KYNU: variants seen among roughly 807,000 people sequenced by gnomAD.
The protein encoded by KYNU is kynureninase.
In KYNU, 54 loss-of-function variants were observed where a neutral mutation model predicts 59.2. The observed-to-expected ratio is 0.91, with a 90% CI of 0.73 to 1.14. The LOEUF (loss-of-function observed/expected upper bound fraction) is 1.14, where lower values mean the gene tolerates loss of function less well. Ranked by LOEUF, KYNU falls within the 50% of genes most tolerant of loss-of-function variation. The probability of loss-of-function intolerance (pLI) is 0.00; values close to 1 mark genes in which losing one functional copy is unlikely to be tolerated. For missense variants in KYNU, 567 were observed against 554.4 expected, an observed-to-expected ratio of 1.02 and a Z score of -0.23; for synonymous variants, 177 against 192.0, an observed-to-expected ratio of 0.92 and a Z score of 0.65.
chr2:142,974,909 A>G (rs1684841147), intron 8 of KYNU, among the ~76,000 whole-genome samples: 1 of 151,848 alleles, frequency 6.6e-6, no homozygotes, highest in Admixed American at 6.6e-5. Flanking sequence ...TTCCCTTCAT[A>G]TTTTCCTTTA....
intron 2 of KYNU, among the ~76,000 whole-genome samples, chr2:142,913,661 A>C (rs1682579098): frequency 6.6e-6 from 1 of 152,224 alleles, no homozygotes. Flanking sequence ...AGAAGAATGT[A>C]TAATCTGTGG....
intron 4 of KYNU, chr2:142,947,742 C>T (rs1683842460): frequency 6.5e-6 from 1 of 153,868 alleles, no homozygotes; most frequent in African/African-American, 2.4e-5. Context: ...GCTGATAATG[C>T]TGTGTGCTAT....
chr2:142,891,445 A>G (rs917053818), intron 2 of KYNU, among the ~76,000 whole-genome samples: 10 of 152,192 alleles, frequency 6.6e-5, no homozygotes, highest in African/African-American at 9.6e-5. Flanking sequence ...CTCTCCTTCA[A>G]TCTTACCACA....
At chr2:143,012,487 A>AAGC (rs1269795594) in intron 10 of KYNU, among the ~76,000 whole-genome samples, 5 of 146,784 alleles carry the variant, frequency 3.4e-5, no homozygotes, top group African/African-American at 1.4e-4. Flanking sequence ...CATCTCCAAA[A>AAGC]AACAAAAAAA....
At position 142,947,332 on chromosome 2, in the gene KYNU, A is replaced by G. The variant is rs529098922; in HGVS notation, c.374-7478A>G. 8.7e-5 allele frequency: 95 copies of G among 1,087,966 alleles called. 1 individual carries two copies. The South Asian group carries it at 9.3e-4, about 11-fold the overall frequency. 67.4% of individuals were successfully genotyped at this position (1,087,966 alleles called of 1,614,324 possible). A position where few individuals can be genotyped will look rare whatever the true frequency, so the allele number is the denominator to read the frequency against. The stretch of plus-strand genomic sequence containing the variant: ...GTCATAGAAGCATTCCATTTTTTCT[A>G]TTGCAGATGGGATTTCCTCTTCAAG... On this transcript the variant is annotated intron_variant, in intron 4 of 13. Coordinates refer to ENST00000264170, the MANE Select transcript of KYNU (RefSeq NM_003937.3).
chr2:142,890,771 C>T (rs937417414), intron 2 of KYNU, among the ~76,000 whole-genome samples: 1 of 152,114 alleles, frequency 6.6e-6, no homozygotes, highest in African/African-American at 2.4e-5. Context: ...AGCCACCATG[C>T]CAGGCAGGAT....
chr2:143,024,118 G>T (rs1686486003), intron 10 of KYNU, among the ~76,000 whole-genome samples: 1 of 151,712 alleles, frequency 6.6e-6, no homozygotes, highest in Non-Finnish European at 1.5e-5. Flanking sequence ...AAAAAAAAAT[G>T]ATGAGGGATA....
intron 2 of KYNU, among the ~76,000 whole-genome samples, chr2:142,887,059 G>C (rs1050091091): frequency 2.0e-5 from 3 of 151,810 alleles, no homozygotes; most frequent in African/African-American, 7.3e-5. Flanking sequence ...AGTCCCAGCT[G>C]CTCGGGAGGC....
intron 2 of KYNU, among the ~76,000 whole-genome samples, chr2:142,918,371 G>A (rs1162384550): frequency 6.6e-6 from 1 of 152,036 alleles, no homozygotes; most frequent in African/African-American, 2.4e-5. Flanking sequence ...TTTCCTCATG[G>A]AGCACAGTAA....
intron 4 of KYNU, among the ~76,000 whole-genome samples, chr2:142,944,962 T>G (rs572438262): frequency 1.3e-5 from 2 of 152,354 alleles, no homozygotes; most frequent in Non-Finnish European, 1.5e-5. Context: ...TAAAAAGCAA[T>G]GTGGATACCT....
At position 143,033,296 on chromosome 2, in the gene KYNU, T is replaced by C; in HGVS notation, c.1016T>C (p.Val339Ala). The change falls in exon 12 of 14, where the codon GTC becomes GCC. Residue 339 changes from valine (V) to alanine (A), a missense_variant. Val to Ala is a moderately conservative substitution (Grantham distance 64). Transcript: ENST00000264170. ...ATTTCAAATCCTCCCATTTTGTTGGTCTGTTCCTTGCATGCTAGTTTAGAG... is the reference window on the plus strand; with the variant it reads ...ATTTCAAATCCTCCCATTTTGTTGGCCTGTTCCTTGCATGCTAGTTTAGAG... ...FRISNPPILL[V>A]CSLHASLEIF... The C allele has an allele frequency of 6.2e-7, 1 of 1,613,884 alleles. No homozygotes were observed. The highest frequency in any genetic ancestry group is 8.5e-7 in the Non-Finnish European group (1 of 1,179,718).
At chr2:142,954,112 A>G (rs898453111) in intron 4 of KYNU, 2 of 152,108 alleles carry the variant, frequency 1.3e-5, no homozygotes, top group African/African-American at 4.8e-5. Flanking sequence ...TAAGTAACCA[A>G]TGTATTCTCT....
Position 142,918,187 on chromosome 2 carries a change from A to T in KYNU, c.170-422A>T, listed in dbSNP as rs202149556. Among the ~76,000 whole-genome samples, 70 of 152,174 alleles carry T rather than the reference A, an allele frequency of 4.6e-4. 1 individual carries two copies. In the East Asian group the frequency reaches 8.1e-3, roughly 18 times the overall value. On this transcript the variant is annotated intron_variant, in intron 2 of 13. Coordinates refer to ENST00000264170, the MANE Select transcript of KYNU (RefSeq NM_003937.3). ...ATGTAAATAATTATTTGCATTTTTT[A>T]AAAAAATTGCCATGTCTACAACACA...
At chr2:142,885,832 T>C (rs1403025367) in intron 2 of KYNU, among the ~76,000 whole-genome samples, 2 of 152,238 alleles carry the variant, frequency 1.3e-5, no homozygotes, top group Admixed American at 1.3e-4. Context: ...CATTTACTTG[T>C]TCTCTAAGCA....
intron 12 of KYNU, among the ~76,000 whole-genome samples, chr2:143,036,632 T>G (rs551040322): frequency 1.2e-4 from 18 of 152,342 alleles, no homozygotes; most frequent in African/African-American, 4.3e-4. Context: ...TTTAAGAATG[T>G]TAGCACAGGT....
chr2:142,935,269 C>T (rs552940876), intron 4 of KYNU, among the ~76,000 whole-genome samples: 29 of 152,234 alleles, frequency 1.9e-4, no homozygotes, highest in African/African-American at 6.7e-4. Flanking sequence ...GGCTGGTTTT[C>T]GTCAGGACCC....
intron 4 of KYNU, among the ~76,000 whole-genome samples, chr2:142,950,693 T>C (rs1337298003): frequency 6.6e-6 from 1 of 152,214 alleles, no homozygotes; most frequent in African/African-American, 2.4e-5. Context: ...GCTGTTGGTC[T>C]TTCTTATTGT....
At chr2:142,954,346 A>G (rs555169676) in intron 4 of KYNU, among the ~76,000 whole-genome samples, 71 of 152,228 alleles carry the variant, frequency 4.7e-4, no homozygotes, top group African/African-American at 1.7e-3. Flanking sequence ...CTGTAATAAC[A>G]GTGAGTTATG....
At chr2:142,915,934 A>C (rs1056814923) in intron 2 of KYNU, among the ~76,000 whole-genome samples, 11 of 152,026 alleles carry the variant, frequency 7.2e-5, no homozygotes, top group Admixed American at 5.2e-4. Flanking sequence ...ATATGTTGTG[A>C]TGTTCTTATA....
Sources: allele counts gnomAD v4.1 joint callset (sites outside exome capture counted in the v4.1 genomes callset), GRCh38; gene constraint gnomAD v4.1.1; transcripts MANE v1.5; gene names NCBI Gene and HGNC (gene_info 2026-07-23, HGNC 2026-07-21).